Variants in PTPN20 observed in about 807,000 individuals in gnomAD.
The protein encoded by PTPN20 is protein tyrosine phosphatase non-receptor type 20.
A neutral mutation model predicts 35.0 loss-of-function variants in PTPN20; 9 were observed. The ratio of observed to expected loss-of-function variants is 0.26; its 90% CI spans 0.15 to 0.45. The LOEUF is 0.45. Among genes scored for constraint, PTPN20 ranks in the 20% least tolerant of loss-of-function variants. The probability of loss-of-function intolerance (pLI) is 1.00; values close to 1 mark genes in which losing one functional copy is unlikely to be tolerated. For synonymous variants in PTPN20, 32 were observed against 100.2 expected (o/e 0.32, Z 4.06); for missense variants, 111 against 312.5 (o/e 0.36, Z 4.86).
chr10:46,951,611 T>G (rs2046700563), intron 5 of PTPN20, among the ~76,000 whole-genome samples: 1 of 152,024 alleles, frequency 6.6e-6, no homozygotes, highest in Non-Finnish European at 1.5e-5. Context: ...TATCTGCAGT[T>G]TATTGCTAAA....
intron 2 of PTPN20, among the ~76,000 whole-genome samples, chr10:46,936,376 T>C (rs1555126148): frequency 6.6e-6 from 1 of 152,104 alleles, no homozygotes; most frequent in Non-Finnish European, 1.5e-5. Context: ...CTCTTTCTGA[T>C]TGGTAGGTTT....
chr10:46,952,838 C>T (rs2047108175), intron 5 of PTPN20, among the ~76,000 whole-genome samples: 5 of 151,590 alleles, frequency 3.3e-5, no homozygotes, highest in African/African-American at 1.2e-4. Flanking sequence ...CCCCTTAATA[C>T]TTGGAATCCA....
At chr10:46,951,495 A>C (rs1424850312) in intron 5 of PTPN20, among the ~76,000 whole-genome samples, 1 of 152,230 alleles carries the variant, frequency 6.6e-6, no homozygotes, top group Non-Finnish European at 1.5e-5. Flanking sequence ...AACATTCTTA[A>C]TTTCTAAAAT....
intron 7 of PTPN20, among the ~76,000 whole-genome samples, chr10:46,978,899 G>GAAC (rs1392022948): frequency 6.7e-6 from 1 of 148,788 alleles, no homozygotes; most frequent in African/African-American, 2.5e-5. Context: ...TCCTAGAAGT[G>GAAC]AACTAGATGG....
intron 5 of PTPN20, among the ~76,000 whole-genome samples, chr10:46,954,285 C>T (rs1360537559): frequency 7.0e-6 from 1 of 142,988 alleles, no homozygotes; most frequent in Non-Finnish European, 1.5e-5. Context: ...GTGTCTTAAT[C>T]TCTTCTTATA....
In PTPN20 at chr10:47,000,773, A is replaced by G. The variant is rs1310516948; in HGVS notation, c.*32A>G. 6.2e-7 allele frequency: 1 copy of G among 1,611,702 alleles called. No individual in the cohort carries two copies. The highest frequency in any genetic ancestry group is 8.5e-7 in the Non-Finnish European group (1 of 1,178,020). ...CTTCTGTTGCCTCTCACTTGAAATT[A>G]CCAAGTGGGTTTGCACCTCCTCATA... On this transcript the variant is annotated 3_prime_UTR_variant, in exon 11 of 11. Transcript: ENST00000374339.
At chr10:46,980,067 C>G (rs1555169713) in intron 7 of PTPN20, among the ~76,000 whole-genome samples, 1 of 149,040 alleles carries the variant, frequency 6.7e-6, no homozygotes, top group Non-Finnish European at 1.5e-5. Flanking sequence ...GAGATATATC[C>G]AACAAAAATT....
At chr10:46,947,608 C>T (rs1589458599) in intron 5 of PTPN20, among the ~76,000 whole-genome samples, 1 of 151,788 alleles carries the variant, frequency 6.6e-6, no homozygotes, top group African/African-American at 2.4e-5. Context: ...TTTCTATCTC[C>T]CCCCAAATTT....
At chr10:46,936,513 T>A (rs1459850957) in intron 2 of PTPN20, among the ~76,000 whole-genome samples, 6 of 151,886 alleles carry the variant, frequency 4.0e-5, no homozygotes, top group Admixed American at 2.6e-4. Context: ...CCATAGATAG[T>A]GATTCTTCTG....
intron 4 of PTPN20, among the ~76,000 whole-genome samples, chr10:46,945,554 T>A (rs1181835863): frequency 3.9e-4 from 59 of 152,292 alleles, no homozygotes; most frequent in Admixed American, 1.4e-3. Context: ...TCCTAAACTT[T>A]TGTGTCTGAT....
In PTPN20 at chr10:46,915,832, C is replaced by T. The variant is rs1330412912; in HGVS notation, c.-124+4331C>T. Among the ~76,000 whole-genome samples the T allele has an allele frequency of 6.5e-5, 5 of 76,780 alleles. 1 individual carries two copies. Among genetic ancestry groups the T allele is most frequent in the Admixed American group, 3.4e-4 (3 of 8,792 alleles). The allele number at this position is 76,780 out of a possible 152,430, so 50.4% of individuals were successfully genotyped here. A position where few individuals can be genotyped will look rare whatever the true frequency, so the allele number is the denominator to read the frequency against. ...CCAGCGTGGCAACAGAGCAAGACTC[C>T]GTCTAAAAAAAAAAAAAAAAATGAC... is the stretch of plus-strand genomic sequence containing the variant. On this transcript the variant is annotated intron_variant, in intron 1 of 10. Coordinates refer to ENST00000374339, the MANE Select transcript of PTPN20 (RefSeq NM_001042357.5).
intron 1 of PTPN20, among the ~76,000 whole-genome samples, chr10:46,928,641 AT>A: frequency 6.6e-6 from 1 of 151,266 alleles, no homozygotes; most frequent in Non-Finnish European, 1.5e-5. Context: ...ACGGAATGAC[AT>A]TTCTTAATGG....
intron 7 of PTPN20, among the ~76,000 whole-genome samples, chr10:46,983,268 A>G (rs1221825775): frequency 2.0e-5 from 3 of 151,688 alleles, no homozygotes; most frequent in African/African-American, 7.3e-5. Context: ...TCATATTTAC[A>G]AGGGAAAGTT....
chr10:47,000,530 G>T (rs1459915274), intron 10 of PTPN20, 146 bp from the exon 11 acceptor site: 1 of 843,700 alleles, frequency 1.2e-6, no homozygotes, highest in Non-Finnish European at 1.9e-6. Flanking sequence ...ATGTATTCAC[G>T]TAAAGTTCTT....
At position 46,947,866 on chromosome 10, in the gene PTPN20, CTG is replaced by C. The variant is rs782414216; in HGVS notation, c.340+1195_340+1196del. ...TATTCCATTCACCAGTTGAAGGACA[CTG>C]TGTTGCTTCCAGATTTTGGCAATTA... On this transcript the variant is annotated intron_variant, in intron 5 of 10. Coordinates refer to ENST00000374339, the MANE Select transcript of PTPN20 (RefSeq NM_001042357.5). 18 of 420,502 alleles carry C rather than the reference CTG, an allele frequency of 4.3e-5. 1 individual carries two copies. The highest frequency in any genetic ancestry group is 3.1e-4 in the South Asian group (18 of 58,396). 26.0% of individuals were successfully genotyped at this position (420,502 alleles called of 1,614,324 possible).
At chr10:46,988,731 A>G (rs1396332574) in intron 9 of PTPN20, among the ~76,000 whole-genome samples, 1 of 151,918 alleles carries the variant, frequency 6.6e-6, no homozygotes, top group Non-Finnish European at 1.5e-5. Flanking sequence ...CCATTTTCCA[A>G]TTCATTAGCA....
intron 7 of PTPN20, among the ~76,000 whole-genome samples, chr10:46,983,119 C>G (rs1650312995): frequency 6.7e-6 from 1 of 148,352 alleles, no homozygotes; most frequent in Non-Finnish European, 1.5e-5. Flanking sequence ...TTCTGTCACC[C>G]AGGCTGAAGT....
intron 9 of PTPN20, among the ~76,000 whole-genome samples, chr10:46,998,661 G>A (rs2059569598): frequency 6.6e-6 from 1 of 152,088 alleles, no homozygotes; most frequent in Non-Finnish European, 1.5e-5. Flanking sequence ...ACTAACAGTT[G>A]CATGTAAAAC....
chr10:46,996,898 T>A (rs981245077), intron 9 of PTPN20, among the ~76,000 whole-genome samples: 15 of 152,292 alleles, frequency 9.8e-5, no homozygotes, highest in African/African-American at 3.4e-4. Flanking sequence ...AGCTTTAACA[T>A]CAGATAGAAT....
Sources: gnomAD v4.1 joint callset for allele counts (sites outside exome capture counted in the v4.1 genomes callset) on GRCh38, gnomAD v4.1.1 for gene constraint, MANE v1.5 for transcripts, NCBI Gene and HGNC (gene_info 2026-07-23, HGNC 2026-07-21) for gene names.